CD2AP: variants seen among roughly 807,000 people sequenced by gnomAD.
The protein encoded by CD2AP is CD2 associated protein, also known as CD2-associated protein.
In CD2AP, 46 loss-of-function variants were observed where a neutral mutation model predicts 85.1. The ratio of observed to expected loss-of-function variants is 0.54; its 90% CI spans 0.43 to 0.69. The LOEUF (loss-of-function observed/expected upper bound fraction) is 0.69. CD2AP is among the 30% of genes least tolerant of loss of function. The pLI, the probability that CD2AP is intolerant of heterozygous loss-of-function variation, is 0.00. For missense variants in CD2AP, 769 were observed against 729.5 expected (o/e 1.05, Z -0.62); for synonymous variants, 255 against 252.9 (o/e 1.01, Z -0.08).
At chr6:47,543,148 C>CAAAAAAAAAAAAA (rs11338409) in intron 3 of CD2AP, among the ~76,000 whole-genome samples, 25 of 60,296 alleles carry the variant, frequency 4.1e-4, no homozygotes, top group African/African-American at 9.8e-4. Flanking sequence ...AAGACTGTCT[C>CAAAAAAAAAAAAA]AAAAAAAAAA....
chr6:47,561,067 T>G (rs1225786101), intron 5 of CD2AP, among the ~76,000 whole-genome samples: 3 of 152,232 alleles, frequency 2.0e-5, no homozygotes, highest in African/African-American at 7.2e-5. Flanking sequence ...TTTATTTTGA[T>G]AACTGTATGA....
At chr6:47,498,697 T>C (rs1765929229) in intron 1 of CD2AP, among the ~76,000 whole-genome samples, 1 of 152,230 alleles carries the variant, frequency 6.6e-6, no homozygotes, top group South Asian at 2.1e-4. Flanking sequence ...TTTTTAATTT[T>C]CTCACTTCTT....
At position 47,572,287 on chromosome 6, in the gene CD2AP, A is replaced by G. The variant is rs1223176280; in HGVS notation, c.542-1777A>G. ...GCGCCCGGATCCACTGCGATGGTGT[A>G]CAAGTGCTGGGTGACGAATTGTTCT... On this transcript the variant is annotated intron_variant, in intron 5 of 17. Coordinates refer to ENST00000359314, the MANE Select transcript of CD2AP (RefSeq NM_012120.3). 5.3e-5 allele frequency among the ~76,000 whole-genome samples: 8 copies of G among 152,338 alleles called. No homozygotes were observed. The South Asian group carries it at 1.0e-3, about 20-fold the overall frequency.
intron 3 of CD2AP, among the ~76,000 whole-genome samples, chr6:47,542,519 T>C (rs1767242333): frequency 6.6e-6 from 1 of 152,152 alleles, no homozygotes; most frequent in African/African-American, 2.4e-5. Context: ...TGTGCTCTCA[T>C]GAATGGGTTA....
Position 47,574,097 on chromosome 6 carries a change from C to T in CD2AP, c.575C>T (p.Pro192Leu). 1 of 1,614,024 alleles carries T rather than the reference C, an allele frequency of 6.2e-7. No individual in the cohort carries two copies. The highest frequency in any genetic ancestry group is 1.3e-5 in the African/African-American group (1 of 75,044). The change falls in exon 6 of 18, where the codon CCT (proline) becomes CTT (leucine). Residue 192 changes from proline (P) to leucine (L), a missense_variant. Physicochemically the swap from Pro to Leu is moderately conservative, Grantham distance 98. Transcript: ENST00000359314. ...TTGGCTGGGCCTACTTCACCTATAC[C>T]TTCTCTGGGAAATGTGAGTGAAACT... ...TVLAGPTSPI[P>L]SLGNVSETAS...
intron 12 of CD2AP, among the ~76,000 whole-genome samples, chr6:47,598,933 T>G (rs985406148): frequency 6.7e-6 from 1 of 150,300 alleles, no homozygotes; most frequent in East Asian, 1.9e-4. Context: ...ATAAAAAAAA[T>G]TTAAAAAAAA....
Position 47,579,963 on chromosome 6 carries a change from T to C in CD2AP, c.1008+474T>C, listed in dbSNP as rs1273516449. On this transcript the variant is annotated intron_variant, in intron 9 of 17. Coordinates refer to ENST00000359314, the MANE Select transcript of CD2AP (RefSeq NM_012120.3). ...AAAGTGAGGCTGAGTCATTCATCAG[T>C]GGTCTTTTGCCTTCCTACAACTTGG... The C allele has an allele frequency of 2.4e-5, 4 of 165,040 alleles. No individual in the cohort carries two copies. The East Asian group carries it at 7.0e-4, about 29-fold the overall frequency. 10.2% of individuals were successfully genotyped at this position (165,040 alleles called of 1,614,324 possible).
At chr6:47,482,553 T>C (rs974170027) in intron 1 of CD2AP, among the ~76,000 whole-genome samples, 15 of 151,920 alleles carry the variant, frequency 9.9e-5, no homozygotes, top group African/African-American at 3.1e-4. Flanking sequence ...TAATTTTTTG[T>C]GTTTTTAGTG....
intron 5 of CD2AP, 105 bp downstream of exon 5, chr6:47,554,871 A>C (rs978246213): frequency 4.2e-6 from 5 of 1,184,292 alleles, no homozygotes; most frequent in Non-Finnish European, 5.9e-6. Flanking sequence ...TTGAACTTTG[A>C]GTCAGCTTCA....
chr6:47,545,472 T>C (rs1435262278), intron 4 of CD2AP, among the ~76,000 whole-genome samples: 1 of 152,142 alleles, frequency 6.6e-6, no homozygotes, highest in African/African-American at 2.4e-5. Flanking sequence ...AGGCCCAGCC[T>C]ATCACCTGTT....
At chr6:47,589,734 A>G (rs1199323391) in intron 11 of CD2AP, among the ~76,000 whole-genome samples, 1 of 152,014 alleles carries the variant, frequency 6.6e-6, no homozygotes, top group Non-Finnish European at 1.5e-5. Flanking sequence ...GTGGTAGCTT[A>G]GCCTATGAAA....
At chr6:47,530,488 G>A (rs9381570) in intron 2 of CD2AP, among the ~76,000 whole-genome samples, 16 of 152,236 alleles carry the variant, frequency 1.1e-4, no homozygotes, top group Admixed American at 4.6e-4. Flanking sequence ...CTTTCAATCA[G>A]AATTAGAAAT....
intron 8 of CD2AP, 123 bp from the exon 9 acceptor site, chr6:47,579,262 G>A: frequency 1.5e-6 from 1 of 656,344 alleles, no homozygotes; most frequent in Non-Finnish European, 2.7e-6. Flanking sequence ...TTGAGCCCAG[G>A]AGGTTGAGGC....
chr6:47,589,204 A>G (rs9296568), intron 11 of CD2AP, among the ~76,000 whole-genome samples: 144,684 of 152,014 alleles, frequency 0.95, 69,248 homozygotes, highest in East Asian at 1. Flanking sequence ...CTGAACTTTT[A>G]CTAAGAGTTT....
chr6:47,505,235 C>A (rs549874723), intron 2 of CD2AP, among the ~76,000 whole-genome samples: 1 of 146,170 alleles, frequency 6.8e-6, no homozygotes, highest in African/African-American at 2.5e-5. Context: ...TGACTCTTAA[C>A]GAGCATGCTG....
chr6:47,544,670 G>A lies in CD2AP; in HGVS notation c.384G>A (p.Glu128=). 5 of 1,612,268 alleles carry A rather than the reference G, an allele frequency of 3.1e-6. No individual in the cohort carries two copies. Among genetic ancestry groups the A allele is most frequent in the East Asian group, 2.2e-5 (1 of 44,750 alleles). ...TTCCACAAAATGAGGATGAACTGGA[G>A]CTGAAAGTGGGAGATATTATTGATA... The part of the protein sequence containing the change: ...EYIPQNEDEL[E]LKVGDIIDIN... Residue 128 remains glutamate, a synonymous_variant, in exon 4 of 18, where the codon GAG becomes GAA. Coordinates refer to ENST00000359314, the MANE Select transcript of CD2AP (RefSeq NM_012120.3).
chr6:47,577,565 A>G (rs535570318), intron 8 of CD2AP, among the ~76,000 whole-genome samples: 58 of 152,318 alleles, frequency 3.8e-4, no homozygotes, highest in Admixed American at 7.8e-4. Context: ...TGATGTCACC[A>G]TTTTAAAGAA....
intron 5 of CD2AP, among the ~76,000 whole-genome samples, chr6:47,563,335 CTTTG>C (rs1209595090): frequency 2.0e-5 from 3 of 152,158 alleles, no homozygotes; most frequent in Admixed American, 2.0e-4. Context: ...AAATGTAATA[CTTTG>C]TTTGCCACTA....
At position 47,533,780 on chromosome 6, in the gene CD2AP, A is replaced by G. The variant is rs749814923; in HGVS notation, c.319+25A>G. 3.1e-6 allele frequency: 5 copies of G among 1,608,714 alleles called. No homozygotes were observed. The East Asian group carries it at 8.9e-5, about 29-fold the overall frequency. On this transcript the variant is annotated intron_variant, in intron 3 of 17. Transcript: ENST00000359314. ...AGTATGTAAATAATTCCTTTCCTGC[A>G]TAATTACATCAAAATAGAAGGATAT...
Sources: gnomAD v4.1 joint callset for allele counts (sites outside exome capture counted in the v4.1 genomes callset) on GRCh38, gnomAD v4.1.1 for gene constraint, MANE v1.5 for transcripts, NCBI Gene and HGNC (gene_info 2026-07-23, HGNC 2026-07-21) for gene names.